Variants in ARMH1 observed in about 807,000 individuals in gnomAD.
The protein encoded by ARMH1 is armadillo like helical domain containing 1.
A neutral mutation model predicts 50.2 loss-of-function variants in ARMH1; 34 were observed. That is an observed-to-expected ratio of 0.68 (90% CI 0.51 to 0.90). The LOEUF (loss-of-function observed/expected upper bound fraction) is 0.90, where lower values mean the gene tolerates loss of function less well. ARMH1 is among the 40% of genes least tolerant of loss of function. ARMH1 has a pLI of 0.00. For synonymous variants in ARMH1, 221 were observed against 224.2 expected (o/e 0.99, Z 0.13); for missense variants, 538 against 553.9 (o/e 0.97, Z 0.29).
intron 6 of ARMH1, among the ~76,000 whole-genome samples, chr1:44,715,653 G>A (rs1046303080): frequency 4.6e-5 from 7 of 152,086 alleles, no homozygotes; most frequent in Non-Finnish European, 7.4e-5. Context: ...TCTGCCTCCC[G>A]GGTTCAAGCA....
chr1:44,724,518 C>T lies in ARMH1; in HGVS notation c.921-21C>T, dbSNP rs1014075618. On this transcript the variant is annotated intron_variant, in intron 8 of 11. Transcript: ENST00000535358. The surrounding 1 kb of genome is among the most constrained non-coding windows in gnomAD (Gnocchi z 6.4). ...CCGGGTGAGCCCCAGGGCGTCGCCC[C>T]AGCCCGAACCCCCGGCCCAGGGTCC... The T allele has an allele frequency of 2.0e-6, 3 of 1,504,742 alleles. No homozygotes were observed. In the African/African-American group the frequency reaches 4.4e-5, roughly 22 times the overall value. 93.2% of individuals were successfully genotyped at this position (1,504,742 alleles called of 1,614,324 possible). A position where few individuals can be genotyped will look rare whatever the true frequency, so the allele number is the denominator to read the frequency against.
intron 1 of ARMH1, among the ~76,000 whole-genome samples, chr1:44,685,019 G>A (rs1409028319): frequency 6.6e-6 from 1 of 151,662 alleles, no homozygotes; most frequent in East Asian, 1.9e-4. Flanking sequence ...TCTCTATGAG[G>A]GTGTTAAAAA....
At chr1:44,687,868 T>C (rs184915542) in intron 1 of ARMH1, among the ~76,000 whole-genome samples, 2 of 152,342 alleles carry the variant, frequency 1.3e-5, no homozygotes, top group Admixed American at 6.5e-5. Context: ...GGAGCCGTAA[T>C]GTGCCCTGCT....
At chr1:44,680,617 GT>G (rs1645277174) in intron 1 of ARMH1, among the ~76,000 whole-genome samples, 1 of 152,200 alleles carries the variant, frequency 6.6e-6, no homozygotes, top group Non-Finnish European at 1.5e-5. Context: ...AGATGGCTTT[GT>G]TTGTATATTT....
intron 2 of ARMH1, among the ~76,000 whole-genome samples, chr1:44,695,404 C>A (rs1247621028): frequency 1.3e-5 from 2 of 152,208 alleles, no homozygotes; most frequent in Non-Finnish European, 2.9e-5. Flanking sequence ...GCTCCTTCAT[C>A]CCCTGTTCTC....
chr1:44,701,095 C>T lies in ARMH1; in HGVS notation c.615C>T (p.Ser205=). The T allele has an allele frequency of 6.4e-7, 1 of 1,551,248 alleles. No homozygotes were observed. Among genetic ancestry groups the T allele is most frequent in the Non-Finnish European group, 8.7e-7 (1 of 1,146,716 alleles). The part of the protein sequence containing the change: ...PCESPKAQQL[S]LQTLRTAQPI... ...AGTCCCCAAAAGCCCAGCAGCTGTC[C>T]CTGCAGACTCTCAGGACTGCCCAGG... Residue 205 remains serine, a synonymous_variant, in exon 5 of 12, where the codon TCC becomes TCT. Coordinates refer to ENST00000535358, the MANE Select transcript of ARMH1 (RefSeq NM_001145636.2).
chr1:44,709,467 TC>T (rs1646489259), intron 6 of ARMH1, among the ~76,000 whole-genome samples: 1 of 152,118 alleles, frequency 6.6e-6, no homozygotes, highest in Non-Finnish European at 1.5e-5. Context: ...GGTCAGGAGA[TC>T]GAGACCATCC....
chr1:44,681,429 C>T lies in ARMH1; in HGVS notation c.-23+6556C>T, dbSNP rs1042021265. 6.6e-5 allele frequency among the ~76,000 whole-genome samples: 10 copies of T among 152,066 alleles called. No homozygotes were observed. Among genetic ancestry groups the T allele is most frequent in the Non-Finnish European group, 1.0e-4 (7 of 68,010 alleles). On this transcript the variant is annotated intron_variant, in intron 1 of 11. Transcript: ENST00000535358. The surrounding 1 kb of genome is among the most constrained non-coding windows in gnomAD (Gnocchi z 4.3). Reference sequence around the variant, plus strand: ...AGTTCAAGACTGCATTGAGCTATGACGGTGCTGTGCACTCCAGCCTGAGTG... The same window carrying T: ...AGTTCAAGACTGCATTGAGCTATGATGGTGCTGTGCACTCCAGCCTGAGTG...
intron 6 of ARMH1, among the ~76,000 whole-genome samples, chr1:44,722,199 G>C (rs1000019955): frequency 6.6e-6 from 1 of 152,110 alleles, no homozygotes; most frequent in Non-Finnish European, 1.5e-5. Context: ...AGAGGCACTT[G>C]ACTACTGAGC....
intron 6 of ARMH1, among the ~76,000 whole-genome samples, chr1:44,718,963 T>G (rs1482031840): frequency 1.4e-5 from 2 of 144,044 alleles, no homozygotes; most frequent in Non-Finnish European, 3.0e-5. Flanking sequence ...AGTCAGAGGT[T>G]GCAGTGAGCT....
chr1:44,714,442 G>A (rs1454570700), intron 6 of ARMH1, among the ~76,000 whole-genome samples: 5 of 151,744 alleles, frequency 3.3e-5, no homozygotes, highest in South Asian at 4.2e-4. Flanking sequence ...AAAATTAGCC[G>A]GGCGTGGTGG....
chr1:44,699,488 C>T (rs1248469327), intron 4 of ARMH1, among the ~76,000 whole-genome samples: 3 of 151,958 alleles, frequency 2.0e-5, no homozygotes, highest in South Asian at 2.1e-4. Context: ...CTCACTCTAT[C>T]GCCCAGGCTG....
intron 1 of ARMH1, among the ~76,000 whole-genome samples, chr1:44,676,421 C>A (rs1645143603): frequency 6.6e-6 from 1 of 152,030 alleles, no homozygotes; most frequent in African/African-American, 2.4e-5. Flanking sequence ...TTGAGCTTGC[C>A]CAGGGAGTAA....
chr1:44,689,145 C>CT (rs1645572796), intron 1 of ARMH1: 1 of 154,108 alleles, frequency 6.5e-6, no homozygotes, highest in South Asian at 2.0e-4. Context: ...CTCACTGCAA[C>CT]CCGCCTCCCG....
intron 6 of ARMH1, among the ~76,000 whole-genome samples, chr1:44,721,118 G>GCATA (rs1311201700): frequency 1.4e-5 from 2 of 146,236 alleles, no homozygotes; most frequent in African/African-American, 5.1e-5. Flanking sequence ...GATACCTCTA[G>GCATA]CATACATACT....
At chr1:44,691,997 G>T (rs1645674267) in intron 2 of ARMH1, among the ~76,000 whole-genome samples, 1 of 152,180 alleles carries the variant, frequency 6.6e-6, no homozygotes, top group African/African-American at 2.4e-5. Flanking sequence ...AGGATTTGAG[G>T]ATATTCCTGC....
rs1647950551 is a variant in ARMH1 at position 44,724,514 on chromosome 1, G to A, written c.921-25G>A. The A allele has an allele frequency of 1.3e-6, 2 of 1,503,758 alleles. No homozygotes were observed. Among genetic ancestry groups the A allele is most frequent in the Admixed American group, 2.1e-5 (1 of 47,038 alleles). The allele number at this position is 1,503,758 out of a possible 1,614,324, so 93.2% of individuals were successfully genotyped here. On this transcript the variant is annotated intron_variant, in intron 8 of 11. Coordinates refer to ENST00000535358, the MANE Select transcript of ARMH1 (RefSeq NM_001145636.2). The surrounding 1 kb of genome is among the most constrained non-coding windows in gnomAD (Gnocchi z 6.4). ...TGCGCCGGGTGAGCCCCAGGGCGTC[G>A]CCCCAGCCCGAACCCCCGGCCCAGG...
At chr1:44,700,887 C>T in intron 4 of ARMH1, 36 bp from the exon 5 acceptor site, 2 of 1,483,840 alleles carry the variant, frequency 1.3e-6, no homozygotes, top group Non-Finnish European at 9.0e-7. Context: ...TTCATAAATC[C>T]CTTCCAATTT....
At chr1:44,717,138 C>T (rs1445545526) in intron 6 of ARMH1, among the ~76,000 whole-genome samples, 5 of 152,112 alleles carry the variant, frequency 3.3e-5, no homozygotes, top group South Asian at 2.1e-4. Flanking sequence ...TGTGAGCCAC[C>T]GCGCCCGGCC....
Sources: allele counts gnomAD v4.1 joint callset (sites outside exome capture counted in the v4.1 genomes callset), GRCh38; gene constraint gnomAD v4.1.1; non-coding constraint Gnocchi (gnomAD v3.1); transcripts MANE v1.5; gene names NCBI Gene and HGNC (gene_info 2026-07-23, HGNC 2026-07-21).